ADARB2: variants seen among roughly 807,000 people sequenced by gnomAD.
ADARB2 encodes the protein inactive double-stranded RNA-specific editase B2.
Under a neutral mutation model 62.2 loss-of-function variants are expected in ADARB2, and 25 were observed. The observed-to-expected ratio is 0.40, with a 90% CI of 0.29 to 0.56. The LOEUF is 0.56. ADARB2 is among the 20% of genes least tolerant of loss of function. ADARB2 has a pLI of 0.43. For missense variants in ADARB2, 1,071 were observed against 1,077.4 expected, an observed-to-expected ratio of 0.99 and a Z score of 0.08; for synonymous variants, 572 against 500.8, an observed-to-expected ratio of 1.14 and a Z score of -1.90.
At chr10:1,234,170 G>A (rs900634361) in intron 5 of ADARB2, among the ~76,000 whole-genome samples, 1 of 150,886 alleles carries the variant, frequency 6.6e-6, no homozygotes. Context: ...TGTATTTTTA[G>A]TAGATACAGG....
intron 1 of ADARB2, among the ~76,000 whole-genome samples, chr10:1,524,459 G>A (rs1404163592): frequency 6.6e-6 from 1 of 152,180 alleles, no homozygotes; most frequent in Non-Finnish European, 1.5e-5. Flanking sequence ...AGACCTGCTG[G>A]CATCACAAGT....
At chr10:1,263,074 T>C (rs561276302) in intron 4 of ADARB2, among the ~76,000 whole-genome samples, 1 of 133,290 alleles carries the variant, frequency 7.5e-6, no homozygotes, top group Non-Finnish European at 1.5e-5. Flanking sequence ...AGGTGGGAAT[T>C]GAACAATGAG....
rs138290540 is a variant in ADARB2 at position 1,374,654 on chromosome 10, C to T, written c.187+4420G>A. On this transcript the variant is annotated intron_variant, in intron 2 of 9. Coordinates refer to ENST00000381312, the MANE Select transcript of ADARB2 (RefSeq NM_018702.4). ...GCAGCGCTGCGCTTGCTCCAGAGCT[C>T]AGGCATCCTCTCCTCTGGCTCCCGC... Among the ~76,000 whole-genome samples, 196 of 152,284 alleles carry T rather than the reference C, an allele frequency of 1.3e-3. No individual in the cohort carries two copies. In the Middle Eastern group the frequency reaches 0.017, roughly 13 times the overall value.
In ADARB2 at chr10:1,482,519, G is replaced by A. The variant is rs914922205; in HGVS notation, c.101-103359C>T. Among the ~76,000 whole-genome samples the A allele has an allele frequency of 2.0e-5, 3 of 152,324 alleles. No individual in the cohort carries two copies. In the East Asian group the frequency reaches 5.8e-4, roughly 29 times the overall value. ...AAAAGCAAAATAGAGGTTACCAGGA[G>A]GAGAAGTGGGAGTTCGTGTTTAATG... On this transcript the variant is annotated intron_variant, in intron 1 of 9. Coordinates refer to ENST00000381312, the MANE Select transcript of ADARB2 (RefSeq NM_018702.4).
At chr10:1,717,863 C>T (rs1835041672) in intron 1 of ADARB2, among the ~76,000 whole-genome samples, 1 of 152,138 alleles carries the variant, frequency 6.6e-6, no homozygotes, top group Non-Finnish European at 1.5e-5. Flanking sequence ...TAGGTGTGAG[C>T]CCCCACACCC....
intron 1 of ADARB2, among the ~76,000 whole-genome samples, chr10:1,579,883 T>G (rs968984260): frequency 7.2e-5 from 11 of 152,090 alleles, no homozygotes; most frequent in Non-Finnish European, 1.5e-4. Context: ...TCTCCCCGAA[T>G]CTCCCCAGAC....
intron 1 of ADARB2, among the ~76,000 whole-genome samples, chr10:1,530,772 C>T (rs532637333): frequency 3.3e-5 from 5 of 152,220 alleles, no homozygotes; most frequent in African/African-American, 4.8e-5. Context: ...GAACTTGTTT[C>T]GCATGTATGC....
intron 3 of ADARB2, among the ~76,000 whole-genome samples, chr10:1,305,946 C>A (rs142911052): frequency 0.44 from 65,974 of 151,010 alleles, 16,023 homozygotes; most frequent in South Asian, 0.69. Context: ...AGCCAATATC[C>A]TACTGAATGG....
At chr10:1,350,833 G>T (rs961347393) in intron 3 of ADARB2, among the ~76,000 whole-genome samples, 2 of 152,212 alleles carry the variant, frequency 1.3e-5, no homozygotes, top group Non-Finnish European at 2.9e-5. Flanking sequence ...GGACTTAATT[G>T]TACACCTCGC....
chr10:1,474,667 C>A (rs12771886), intron 1 of ADARB2, among the ~76,000 whole-genome samples: 117,667 of 152,126 alleles, frequency 0.77, 46,665 homozygotes, highest in Non-Finnish European at 0.86. Context: ...CACCAGGAGG[C>A]AGACCCAGTT....
At chr10:1,244,695 T>A (rs951926716) in intron 4 of ADARB2, among the ~76,000 whole-genome samples, 1 of 151,986 alleles carries the variant, frequency 6.6e-6, no homozygotes, top group Non-Finnish European at 1.5e-5. Context: ...AGATGTCGTA[T>A]GAGAAATGTC....
intron 2 of ADARB2, among the ~76,000 whole-genome samples, chr10:1,377,346 G>A (rs1384275003): frequency 7.3e-6 from 1 of 136,978 alleles, no homozygotes; most frequent in Admixed American, 7.4e-5. Context: ...TGCTCCTGGG[G>A]TGTGTGTGTT....
At chr10:1,486,228 G>A (rs1298996913) in intron 1 of ADARB2, among the ~76,000 whole-genome samples, 2 of 152,112 alleles carry the variant, frequency 1.3e-5, no homozygotes, top group East Asian at 3.9e-4. Context: ...GTGTGTGTGT[G>A]TGTGTGTGTG....
intron 1 of ADARB2, among the ~76,000 whole-genome samples, chr10:1,529,979 C>T (rs918991326): frequency 6.6e-6 from 1 of 152,150 alleles, no homozygotes; most frequent in African/African-American, 2.4e-5. Context: ...ATCCACTGCT[C>T]CTGCCACTGT....
intron 4 of ADARB2, among the ~76,000 whole-genome samples, chr10:1,245,582 G>A (rs969575177): frequency 6.7e-6 from 1 of 149,166 alleles, no homozygotes; most frequent in Non-Finnish European, 1.5e-5. Context: ...GTGAGGACAT[G>A]CGGTGTTTGG....
intron 1 of ADARB2, among the ~76,000 whole-genome samples, chr10:1,493,272 G>T (rs968132271): frequency 1.3e-5 from 2 of 152,166 alleles, no homozygotes; most frequent in African/African-American, 4.8e-5. Context: ...TAAAGTATTA[G>T]GTGGTGCAGG....
intron 1 of ADARB2, among the ~76,000 whole-genome samples, chr10:1,389,573 T>C (rs927952783): frequency 5.3e-5 from 8 of 152,054 alleles, no homozygotes; most frequent in Middle Eastern, 3.4e-3. Flanking sequence ...TAAAACCCCA[T>C]CTCTACAAAA....
intron 1 of ADARB2, among the ~76,000 whole-genome samples, chr10:1,691,759 C>G (rs1834675825): frequency 1.3e-5 from 2 of 152,200 alleles, no homozygotes; most frequent in Non-Finnish European, 2.9e-5. Flanking sequence ...CCCACCACAT[C>G]CCACTCAGAG....
intron 1 of ADARB2, among the ~76,000 whole-genome samples, chr10:1,618,412 C>T (rs1410456403): frequency 1.3e-5 from 2 of 152,280 alleles, no homozygotes; most frequent in Non-Finnish European, 2.9e-5. Context: ...GAAGATTCTA[C>T]CAACCCTGAA....
Sources: gnomAD v4.1 joint callset for allele counts (sites outside exome capture counted in the v4.1 genomes callset) on GRCh38, gnomAD v4.1.1 for gene constraint, MANE v1.5 for transcripts, NCBI Gene and HGNC (gene_info 2026-07-23, HGNC 2026-07-21) for gene names.